GLIS1: variants seen among roughly 807,000 people sequenced by gnomAD.
GLIS1 encodes GLIS family zinc finger 1.
Under a neutral mutation model 63.8 loss-of-function variants are expected in GLIS1, and 24 were observed. That is an observed-to-expected ratio of 0.38 (90% CI 0.27 to 0.53). GLIS1 has a LOEUF of 0.53. Among genes scored for constraint, GLIS1 ranks in the 20% least tolerant of loss-of-function variants. The probability of loss-of-function intolerance (pLI) is 0.85; values close to 1 mark genes in which losing one functional copy is unlikely to be tolerated. For synonymous variants in GLIS1, 450 were observed against 482.5 expected (o/e 0.93, Z 0.88); for missense variants, 1,036 against 1,074.1 (o/e 0.96, Z 0.50).
intron 2 of GLIS1, among the ~76,000 whole-genome samples, chr1:53,631,893 T>C (rs990332350): frequency 3.3e-5 from 5 of 151,264 alleles, no homozygotes; most frequent in African/African-American, 4.9e-5. Context: ...AAGAAGCCAG[T>C]GGGCTGGTGT....
In GLIS1 at chr1:53,524,832, G is replaced by A. The variant is rs764846982; in HGVS notation, c.1538C>T (p.Ser513Phe). The A allele has an allele frequency of 6.2e-7, 1 of 1,613,594 alleles. No individual in the cohort carries two copies. The highest frequency in any genetic ancestry group is 8.5e-7 in the Non-Finnish European group (1 of 1,179,956). Residue 513 changes from serine to phenylalanine, a missense_variant, in exon 6 of 11, where the codon TCC becomes TTC. By Grantham distance (155) the Ser-to-Phe change is radical. Coordinates refer to ENST00000628545, the MANE Select transcript of GLIS1 (RefSeq NM_001367484.1). ...GCSKRYTDPS[S>F]LRKHVKAHSA... ...ATGGGCCTTGACGTGCTTGCGGAGG[G>A]AGCTGGGGTCTGTGTAGCGCTTGGA...
chr1:53,736,132 C>T (rs1646910547), intron 2 of GLIS1, among the ~76,000 whole-genome samples: 1 of 152,216 alleles, frequency 6.6e-6, no homozygotes, highest in African/African-American at 2.4e-5. Context: ...TGGAAAAAAG[C>T]TTCACCAGAG....
At chr1:53,586,850 T>C (rs1162527241) in intron 4 of GLIS1, among the ~76,000 whole-genome samples, 1 of 152,120 alleles carries the variant, frequency 6.6e-6, no homozygotes, top group Admixed American at 6.5e-5. Flanking sequence ...AGAGAACAGA[T>C]AATCACAGGG....
At position 53,589,875 on chromosome 1, in the gene GLIS1, G is replaced by A. The variant is rs555626662; in HGVS notation, c.1320+4233C>T. On this transcript the variant is annotated intron_variant, in intron 4 of 10. Coordinates refer to ENST00000628545, the MANE Select transcript of GLIS1 (RefSeq NM_001367484.1). ...TCTGCAAATGACTGTCAATGAACAA[G>A]ATGCAAAGAATCAGGGATCCCTGGT... is the stretch of plus-strand genomic sequence containing the variant. 3.3e-5 allele frequency among the ~76,000 whole-genome samples: 5 copies of A among 152,336 alleles called. No homozygotes were observed. The South Asian group carries it at 1.0e-3, about 32-fold the overall frequency.
At chr1:53,738,740 G>A (rs1191193309) in intron 1 of GLIS1, among the ~76,000 whole-genome samples, 2 of 152,316 alleles carry the variant, frequency 1.3e-5, no homozygotes, top group Admixed American at 6.5e-5. Flanking sequence ...ATGCGCAGCG[G>A]AGGAATCGAG....
intron 4 of GLIS1, among the ~76,000 whole-genome samples, chr1:53,590,505 A>G (rs145528479): frequency 4.6e-5 from 7 of 152,276 alleles, no homozygotes; most frequent in African/African-American, 1.7e-4. Flanking sequence ...TGATGTGGAG[A>G]AAAGCAAGCT....
chr1:53,525,333 G>A (rs1644455081), intron 5 of GLIS1, among the ~76,000 whole-genome samples: 1 of 147,046 alleles, frequency 6.8e-6, no homozygotes. Flanking sequence ...AGGCTAGGCG[G>A]CACTGACCGC....
intron 2 of GLIS1, among the ~76,000 whole-genome samples, chr1:53,737,424 G>T (rs1006885570): frequency 5.9e-5 from 9 of 152,238 alleles, no homozygotes; most frequent in African/African-American, 2.2e-4. Context: ...GGTTTTGTCA[G>T]CTGAGGAGAT....
chr1:53,509,197 A>T lies in GLIS1; in HGVS notation c.2153T>A (p.Leu718Gln). ...MAEPAAGGDG[L>Q]VGETHGFNPL... ...GTTGAAACCGTGGGTCTCCCCGACCAGTCCGTCCCCACCGGCTGCTGGTTC... is the reference window on the plus strand; with the variant it reads ...GTTGAAACCGTGGGTCTCCCCGACCTGTCCGTCCCCACCGGCTGCTGGTTC... The change falls in exon 10 of 11, where the codon CTG (leucine) becomes CAG (glutamine). Residue 718 changes from leucine (L) to glutamine (Q), a missense_variant. By Grantham distance (113) the Leu-to-Gln change is moderately radical (BLOSUM62 -2). Transcript: ENST00000628545. 6.2e-7 allele frequency: 1 copy of T among 1,600,398 alleles called. No homozygotes were observed. Among genetic ancestry groups the T allele is most frequent in the Non-Finnish European group, 8.5e-7 (1 of 1,174,182 alleles).
At chr1:53,635,978 G>C (rs1217992570) in intron 2 of GLIS1, among the ~76,000 whole-genome samples, 8 of 152,226 alleles carry the variant, frequency 5.3e-5, no homozygotes, top group Non-Finnish European at 1.2e-4. Context: ...GAAAACTCCA[G>C]ACCCAGTTGG....
At chr1:53,699,018 G>A (rs1186211742) in intron 2 of GLIS1, among the ~76,000 whole-genome samples, 2 of 151,936 alleles carry the variant, frequency 1.3e-5, no homozygotes, top group African/African-American at 4.8e-5. Flanking sequence ...GAGTTTTACA[G>A]CCATGATTGT....
At chr1:53,685,477 G>C (rs1005784487) in intron 2 of GLIS1, among the ~76,000 whole-genome samples, 1 of 152,168 alleles carries the variant, frequency 6.6e-6, no homozygotes, top group Non-Finnish European at 1.5e-5. Context: ...GAGCCTAATC[G>C]ACCCTGGCTT....
intron 2 of GLIS1, among the ~76,000 whole-genome samples, chr1:53,618,181 G>A (rs373042993): frequency 2.0e-5 from 3 of 152,206 alleles, no homozygotes; most frequent in African/African-American, 4.8e-5. Context: ...AACCTGAGAC[G>A]GAGCTCACCT....
intron 4 of GLIS1, among the ~76,000 whole-genome samples, chr1:53,562,025 A>G (rs146405719): frequency 2.0e-5 from 3 of 152,280 alleles, no homozygotes; most frequent in Non-Finnish European, 2.9e-5. Context: ...ACGTCTTCCC[A>G]TGTTACCCAT....
chr1:53,673,148 G>A (rs540065753), intron 2 of GLIS1, among the ~76,000 whole-genome samples: 36 of 152,128 alleles, frequency 2.4e-4, no homozygotes, highest in Admixed American at 9.8e-4. Context: ...TTCATTTCCC[G>A]AGCCCACACT....
chr1:53,525,994 C>G (rs999746814), intron 5 of GLIS1, among the ~76,000 whole-genome samples: 2 of 152,188 alleles, frequency 1.3e-5, no homozygotes, highest in Non-Finnish European at 2.9e-5. Context: ...GAATCCCAAT[C>G]TCTCCCAAGG....
chr1:53,524,934 G>C (rs113313123), intron 5 of GLIS1, 47 bp from the exon 6 acceptor site: 51 of 1,402,392 alleles, frequency 3.6e-5, no homozygotes, highest in African/African-American at 2.8e-5. Flanking sequence ...CCATCCCTAC[G>C]GGACACGCGC....
chr1:53,575,735 G>A (rs541593584), intron 4 of GLIS1, among the ~76,000 whole-genome samples: 2 of 152,296 alleles, frequency 1.3e-5, no homozygotes, highest in Admixed American at 1.3e-4. Flanking sequence ...GTGAATGAAT[G>A]AACACACACA....
chr1:53,537,408 A>G (rs1644591991), intron 4 of GLIS1, among the ~76,000 whole-genome samples: 1 of 152,200 alleles, frequency 6.6e-6, no homozygotes, highest in Non-Finnish European at 1.5e-5. Context: ...GGGAAGAACC[A>G]AGGGCCCTGT....
Sources: gnomAD v4.1 joint callset for allele counts (sites outside exome capture counted in the v4.1 genomes callset) on GRCh38, gnomAD v4.1.1 for gene constraint, MANE v1.5 for transcripts, NCBI Gene and HGNC (gene_info 2026-07-23, HGNC 2026-07-21) for gene names.